PACSIN2: variants seen among roughly 807,000 people sequenced by gnomAD.
PACSIN2 encodes the protein protein kinase C and casein kinase substrate in neurons protein 2.
In PACSIN2, 25 loss-of-function variants were observed where a neutral mutation model predicts 63.8. The ratio of observed to expected loss-of-function variants is 0.39; its 90% CI spans 0.29 to 0.55. The LOEUF (loss-of-function observed/expected upper bound fraction) is 0.55, where lower values mean the gene tolerates loss of function less well. Ranked by LOEUF, PACSIN2 falls within the 20% of genes least tolerant of loss-of-function variation. The pLI is 0.62. For missense variants in PACSIN2, 518 were observed against 646.9 expected, an observed-to-expected ratio of 0.80 and a Z score of 2.16; for synonymous variants, 255 against 256.2, an observed-to-expected ratio of 1.00 and a Z score of 0.05.
intron 1 of PACSIN2, among the ~76,000 whole-genome samples, chr22:42,932,076 C>T (rs972828224): frequency 3.3e-5 from 5 of 152,180 alleles, no homozygotes; most frequent in African/African-American, 1.2e-4. Context: ...CGCTGTACTG[C>T]AAATCCCGTC....
At chr22:42,913,503 A>AGG (rs1569262591) in intron 1 of PACSIN2, among the ~76,000 whole-genome samples, 2 of 133,598 alleles carry the variant, frequency 1.5e-5, no homozygotes, top group Non-Finnish European at 1.6e-5. Flanking sequence ...AAAAAAAAAA[A>AGG]AGAGAGACAC....
chr22:42,979,523 CAAAAAAA>C (rs768725896), intron 1 of PACSIN2, among the ~76,000 whole-genome samples: 2 of 61,644 alleles, frequency 3.2e-5, no homozygotes, highest in Non-Finnish European at 6.4e-5. Context: ...GACTCCCTCT[CAAAAAAA>C]AAAAAAAAAA....
intron 7 of PACSIN2, chr22:42,880,677 G>GT (rs1569212489): frequency 6.6e-6 from 1 of 152,228 alleles, no homozygotes; most frequent in Non-Finnish European, 1.5e-5. Flanking sequence ...GCATGGTCCC[G>GT]TAACAGCTGC....
chr22:42,973,486 A>G (rs1601593902), intron 1 of PACSIN2, among the ~76,000 whole-genome samples: 1 of 152,266 alleles, frequency 6.6e-6, no homozygotes, highest in East Asian at 1.9e-4. Context: ...TGAGAAAAAG[A>G]CTCCAGATGC....
chr22:42,992,604 A>T (rs1037362190), intron 1 of PACSIN2, among the ~76,000 whole-genome samples: 103 of 152,330 alleles, frequency 6.8e-4, no homozygotes, highest in African/African-American at 2.2e-3. Context: ...GATAAAAAGA[A>T]AGCAGATGTC....
At chr22:42,920,651 G>A (rs1267963813) in intron 1 of PACSIN2, among the ~76,000 whole-genome samples, 1 of 152,132 alleles carries the variant, frequency 6.6e-6, no homozygotes. Flanking sequence ...AGAGCAGCCA[G>A]GTGTGCACCA....
chr22:42,896,443 T>C (rs1368439396), intron 2 of PACSIN2, among the ~76,000 whole-genome samples: 3 of 151,668 alleles, frequency 2.0e-5, no homozygotes, highest in Non-Finnish European at 4.4e-5. Flanking sequence ...TGTGTAGGTA[T>C]ACCACTATCA....
At chr22:42,923,560 T>C (rs911212328) in intron 1 of PACSIN2, among the ~76,000 whole-genome samples, 3 of 152,162 alleles carry the variant, frequency 2.0e-5, no homozygotes, top group Non-Finnish European at 4.4e-5. Flanking sequence ...CCCGAGTAGC[T>C]GGGACTACAG....
At chr22:42,918,804 C>T (rs986631637) in intron 1 of PACSIN2, among the ~76,000 whole-genome samples, 2 of 152,218 alleles carry the variant, frequency 1.3e-5, no homozygotes, top group Non-Finnish European at 2.9e-5. Flanking sequence ...TCCCCAAAGG[C>T]GCTGGGCCTG....
intron 1 of PACSIN2, among the ~76,000 whole-genome samples, chr22:42,972,359 T>G (rs545996920): frequency 6.6e-6 from 1 of 152,318 alleles, no homozygotes; most frequent in African/African-American, 2.4e-5. Flanking sequence ...CCCAGGGACA[T>G]AAACATTGCG....
chr22:42,890,102 A>C (rs1929796006), intron 4 of PACSIN2, among the ~76,000 whole-genome samples: 1 of 151,620 alleles, frequency 6.6e-6, no homozygotes, highest in Admixed American at 6.6e-5. Flanking sequence ...CCTGGGTTCA[A>C]GTGATTCTCC....
chr22:42,972,442 C>T (rs1012855599), intron 1 of PACSIN2, among the ~76,000 whole-genome samples: 1 of 152,146 alleles, frequency 6.6e-6, no homozygotes, highest in Non-Finnish European at 1.5e-5. Context: ...ACCTTCCCTC[C>T]ACTATTGTCC....
chr22:42,908,985 A>G (rs1327899148), intron 2 of PACSIN2, among the ~76,000 whole-genome samples: 1 of 151,928 alleles, frequency 6.6e-6, no homozygotes, highest in Non-Finnish European at 1.5e-5. Context: ...TTTTTCCCCT[A>G]TATCTACAGG....
rs560146289 is a variant in PACSIN2, at chr22:42,940,551, C to G, written c.-77-28394G>C. Reference sequence around the variant, plus strand: ...GCCAGTTACACCAGAAGCAGTGCCACCAGAATATGAGCCCCGCCCTGGGAC... The same window carrying G: ...GCCAGTTACACCAGAAGCAGTGCCAGCAGAATATGAGCCCCGCCCTGGGAC... On this transcript the variant is annotated intron_variant, in intron 1 of 10. Coordinates refer to ENST00000263246, the MANE Select transcript of PACSIN2 (RefSeq NM_001184970.3). Among the ~76,000 whole-genome samples, 3 of 152,306 alleles carry G rather than the reference C, an allele frequency of 2.0e-5. No individual in the cohort carries two copies. The East Asian group carries it at 5.8e-4, about 29-fold the overall frequency.
At position 42,890,983 on chromosome 22, in the gene PACSIN2, C is replaced by G; in HGVS notation, c.417G>C (p.Arg139=). Residue 139 remains arginine, a synonymous_variant, in exon 4 of 11, where the codon CGG becomes CGC. Transcript: ENST00000263246. ...TCTTGGCCCAGGGCTTCTGTGCCTT[C>G]CGAAAGCCGTCCTCAGCTTCCTTGG... ...KETKEAEDGF[R]KAQKPWAKKL... is the part of the protein sequence containing the mutation. The G allele has an allele frequency of 6.2e-7, 1 of 1,614,174 alleles. No homozygotes were observed. Among genetic ancestry groups the G allele is most frequent in the Non-Finnish European group, 8.5e-7 (1 of 1,180,028 alleles).
chr22:42,871,331 C>A lies in PACSIN2; in HGVS notation c.*26G>T, dbSNP rs758690877. ...AGGCTCCTGGGCCCGCCGCCTCCGT[C>A]CCCCCGCTGGCCTGTCCCCGACTCA... On this transcript the variant is annotated 3_prime_UTR_variant, in exon 11 of 11. Transcript: ENST00000263246. This position sits in a 1 kb window ranked among gnomAD's most constrained non-coding sequence, Gnocchi z 5.4. The A allele has an allele frequency of 7.1e-7, 1 of 1,402,776 alleles. No homozygotes were observed. The highest frequency in any genetic ancestry group is 1.2e-5 in the South Asian group (1 of 85,748). 86.9% of individuals were successfully genotyped at this position (1,402,776 alleles called of 1,614,324 possible).
At chr22:42,988,739 T>C (rs966820243) in intron 1 of PACSIN2, among the ~76,000 whole-genome samples, 3 of 152,250 alleles carry the variant, frequency 2.0e-5, no homozygotes, top group African/African-American at 7.2e-5. Context: ...ATCTAATTCA[T>C]GTTGGCCCCA....
chr22:42,926,771 G>T (rs1932562763), intron 1 of PACSIN2, among the ~76,000 whole-genome samples: 1 of 151,824 alleles, frequency 6.6e-6, no homozygotes, highest in Non-Finnish European at 1.5e-5. Context: ...GTTCAAGGCT[G>T]CAGTGAGCTA....
At chr22:42,907,787 A>T (rs905037317) in intron 2 of PACSIN2, among the ~76,000 whole-genome samples, 1 of 152,242 alleles carries the variant, frequency 6.6e-6, no homozygotes, top group African/African-American at 2.4e-5. Flanking sequence ...GGTGCCCAGG[A>T]CTTAGCCCAG....
Sources: allele counts gnomAD v4.1 joint callset (sites outside exome capture counted in the v4.1 genomes callset), GRCh38; gene constraint gnomAD v4.1.1; non-coding constraint Gnocchi (gnomAD v3.1); transcripts MANE v1.5; gene names NCBI Gene and HGNC (gene_info 2026-07-23, HGNC 2026-07-21).